DIP2C: variants seen among roughly 807,000 people sequenced by gnomAD.
DIP2C encodes the protein DIP2 acetate--CoA ligase C (putative).
A neutral mutation model predicts 192.4 loss-of-function variants in DIP2C; 33 were observed. The ratio of observed to expected loss-of-function variants is 0.17; its 90% confidence interval spans 0.13 to 0.23. The LOEUF (loss-of-function observed/expected upper bound fraction) is 0.23. DIP2C is among the 10% of genes least tolerant of loss of function. The probability of loss-of-function intolerance (pLI) is 1.00; values close to 1 mark genes in which losing one functional copy is unlikely to be tolerated. For missense variants in DIP2C, 1,537 were observed against 2,110.1 expected (o/e 0.73, Z 5.32); for synonymous variants, 979 against 864.1 (o/e 1.13, Z -2.33).
rs1959813240 is a variant in DIP2C, at chr10:363,641, T to C, written c.2478-330A>G. On this transcript the variant is annotated intron_variant, in intron 20 of 36. Transcript: ENST00000280886. This position sits in a 1 kb window ranked among gnomAD's most constrained non-coding sequence, Gnocchi z 5.4. ...TGCTGAAATTTAGGGAGTCACACCC[T>C]TCACAGCTCGAGTTTGCACCCGTGA... Among the ~76,000 whole-genome samples the C allele has an allele frequency of 1.3e-5, 2 of 152,202 alleles. No homozygotes were observed. Among genetic ancestry groups the C allele is most frequent in the South Asian group, 4.1e-4 (2 of 4,832 alleles).
intron 3 of DIP2C, among the ~76,000 whole-genome samples, chr10:454,861 A>T (rs932029972): frequency 4.6e-5 from 7 of 152,166 alleles, no homozygotes; most frequent in African/African-American, 1.4e-4. Flanking sequence ...TTATGCTTGA[A>T]GTCATTATTG....
At chr10:423,180 G>A (rs557784180) in intron 4 of DIP2C, 147 bp from the exon 5 acceptor site, 6 of 712,592 alleles carry the variant, frequency 8.4e-6, no homozygotes, top group Admixed American at 3.1e-5. Flanking sequence ...GTTAAACCAC[G>A]TTTCAGATAA....
chr10:598,409 C>CA (rs1851845568), intron 1 of DIP2C, among the ~76,000 whole-genome samples: 1 of 152,230 alleles, frequency 6.6e-6, no homozygotes. Flanking sequence ...ATGGACATTC[C>CA]CTCAATCCAT....
At chr10:415,976 C>T in intron 6 of DIP2C, 88 bp from the exon 7 acceptor site, 3 of 1,540,408 alleles carry the variant, frequency 1.9e-6, no homozygotes, top group African/African-American at 1.4e-5. Flanking sequence ...GCCCCCTCCC[C>T]AGCGCGGCTA....
At chr10:492,392 C>T (rs2133593015) in intron 1 of DIP2C, among the ~76,000 whole-genome samples, 1 of 152,348 alleles carries the variant, frequency 6.6e-6, no homozygotes, top group African/African-American at 2.4e-5. Context: ...GCCCATCACC[C>T]CCTCATTCTC....
chr10:388,533 A>C (rs1963171070), intron 13 of DIP2C, among the ~76,000 whole-genome samples: 1 of 152,182 alleles, frequency 6.6e-6, no homozygotes, highest in Non-Finnish European at 1.5e-5. Context: ...AAAAGTAAAC[A>C]ACCTAAGTTC....
chr10:607,437 T>G (rs1004897511), intron 1 of DIP2C, among the ~76,000 whole-genome samples: 2 of 152,142 alleles, frequency 1.3e-5, no homozygotes, highest in African/African-American at 4.8e-5. Flanking sequence ...CCCACTTGAT[T>G]TTTTTCATTG....
At position 626,444 on chromosome 10, in the gene DIP2C, C is replaced by CCCCCCGTCCCCGGAGTTACCCTCCGT. The variant is rs1211678266; in HGVS notation, c.85+63024_85+63049dup. On this transcript the variant is annotated intron_variant, in intron 1 of 36. Transcript: ENST00000280886. ...CCCCATCCTCGGTGTTACCCTCCGT[C>CCCCCCGTCCCCGGAGTTACCCTCCGT]CCCCCGTCCCCGGAGTTACCCTCCG... Among the ~76,000 whole-genome samples the CCCCCCGTCCCCGGAGTTACCCTCCGT allele has an allele frequency of 9.4e-5, 14 of 148,566 alleles. No homozygotes were observed. In the East Asian group the frequency reaches 1.2e-3, roughly 12 times the overall value.
At chr10:545,477 G>C (rs1848236808) in intron 1 of DIP2C, among the ~76,000 whole-genome samples, 1 of 152,048 alleles carries the variant, frequency 6.6e-6, no homozygotes, top group Non-Finnish European at 1.5e-5. Context: ...TCTTATAATA[G>C]AGAATTTAGA....
intron 4 of DIP2C, among the ~76,000 whole-genome samples, chr10:436,181 C>G (rs77024672): frequency 0.016 from 2,479 of 152,308 alleles, 74 homozygotes; most frequent in African/African-American, 0.056. Context: ...GCATGTGTGT[C>G]CACATTTTAC....
chr10:544,103 C>T (rs550302576), intron 1 of DIP2C, among the ~76,000 whole-genome samples: 18 of 152,220 alleles, frequency 1.2e-4, no homozygotes, highest in African/African-American at 3.9e-4. Flanking sequence ...TTTGGTACTG[C>T]CATCTTTCAC....
chr10:495,234 G>C (rs1844736203), intron 1 of DIP2C, among the ~76,000 whole-genome samples: 1 of 152,150 alleles, frequency 6.6e-6, no homozygotes, highest in African/African-American at 2.4e-5. Context: ...AGGGGAAACA[G>C]GGAGATGCTG....
chr10:437,409 G>A (rs145023624), intron 4 of DIP2C, among the ~76,000 whole-genome samples: 240 of 147,418 alleles, frequency 1.6e-3, no homozygotes, highest in East Asian at 0.015. Context: ...GATATGCTCC[G>A]CCCACACCTG....
intron 32 of DIP2C, among the ~76,000 whole-genome samples, chr10:296,973 CACATGTAT>C (rs1396796278): frequency 6.6e-6 from 1 of 151,550 alleles, no homozygotes; most frequent in Non-Finnish European, 1.5e-5. Context: ...ACCAACGTGG[CACATGTAT>C]ACATATGTAA....
chr10:291,712 A>G (rs1299415246), intron 32 of DIP2C, among the ~76,000 whole-genome samples: 1 of 152,216 alleles, frequency 6.6e-6, no homozygotes, highest in Non-Finnish European at 1.5e-5. Flanking sequence ...TGGGGATCAT[A>G]TGCAGACATC....
At chr10:414,876 GTGTGTGTGTGTGTGTATA>G (rs1415308187) in intron 7 of DIP2C, among the ~76,000 whole-genome samples, 3 of 59,246 alleles carry the variant, frequency 5.1e-5, no homozygotes, top group African/African-American at 1.6e-4. Flanking sequence ...GTGTGTGTGT[GTGTGTGTGTGTGTGTATA>G]TATATATATA....
chr10:283,966 C>T (rs1269970619), intron 34 of DIP2C, among the ~76,000 whole-genome samples: 2 of 152,228 alleles, frequency 1.3e-5, no homozygotes, highest in African/African-American at 4.8e-5. Context: ...TGATGTCTGA[C>T]ATTTGGGGAA....
chr10:509,740 C>T (rs1564803754), intron 1 of DIP2C, among the ~76,000 whole-genome samples: 1 of 152,290 alleles, frequency 6.6e-6, no homozygotes, highest in African/African-American at 2.4e-5. Flanking sequence ...CCCACAAAGT[C>T]GCTCCCATCC....
chr10:542,197 C>A (rs1325567004), intron 1 of DIP2C, among the ~76,000 whole-genome samples: 1 of 152,234 alleles, frequency 6.6e-6, no homozygotes, highest in African/African-American at 2.4e-5. Context: ...TCCTGAGCTC[C>A]TTCTGCTCCC....
Sources: gnomAD v4.1 joint callset for allele counts (sites outside exome capture counted in the v4.1 genomes callset) on GRCh38, gnomAD v4.1.1 for gene constraint, Gnocchi (gnomAD v3.1) non-coding constraint, MANE v1.5 for transcripts, NCBI Gene and HGNC (gene_info 2026-07-23, HGNC 2026-07-21) for gene names.